Variants in DTWD2 observed in about 807,000 individuals in gnomAD.
DTWD2 encodes tRNA-uridine aminocarboxypropyltransferase 2.
DTWD2 carries 39 observed loss-of-function variants against 31.8 expected under a neutral mutation model. That is an observed-to-expected ratio of 1.22 (90% CI 0.95 to 1.60). The LOEUF is 1.60. Ranked by LOEUF, DTWD2 falls within the 40% of genes most tolerant of loss-of-function variation. The probability of loss-of-function intolerance (pLI) is 0.00; values close to 1 mark genes in which losing one functional copy is unlikely to be tolerated. For missense variants in DTWD2, 515 were observed against 381.5 expected (o/e 1.35, Z -2.92); for synonymous variants, 180 against 142.8 (o/e 1.26, Z -1.86).
rs948989665 is a variant in DTWD2 at position 118,846,626 on chromosome 5, G to C, written c.726+1464C>G. ...AAAGCAAGTTTAAACAACAGCACTG[G>C]GTTACATAATTCTATTAAGACACCT... On this transcript the variant is annotated intron_variant, in intron 5 of 5. Coordinates refer to ENST00000510708, the MANE Select transcript of DTWD2 (RefSeq NM_173666.4). Among the ~76,000 whole-genome samples the C allele has an allele frequency of 7.2e-5, 11 of 151,998 alleles. No individual in the cohort carries two copies. In the East Asian group the frequency reaches 2.1e-3, roughly 29 times the overall value.
chr5:118,950,722 A>C (rs1305524686), intron 1 of DTWD2, among the ~76,000 whole-genome samples: 1 of 152,216 alleles, frequency 6.6e-6, no homozygotes, highest in Non-Finnish European at 1.5e-5. Context: ...ACTGTGGCTT[A>C]GGCGTTTTGA....
intron 1 of DTWD2, among the ~76,000 whole-genome samples, chr5:118,979,058 A>T (rs955351667): frequency 2.0e-4 from 30 of 152,108 alleles, no homozygotes; most frequent in African/African-American, 7.0e-4. Flanking sequence ...TAATCCCAGC[A>T]CTTTGGGAGG....
At chr5:118,966,769 C>T (rs1410362069) in intron 1 of DTWD2, among the ~76,000 whole-genome samples, 1 of 152,118 alleles carries the variant, frequency 6.6e-6, no homozygotes. Context: ...GTGGCTCACA[C>T]CTGTAATCCC....
intron 5 of DTWD2, among the ~76,000 whole-genome samples, chr5:118,845,836 T>C (rs1028258668): frequency 5.9e-5 from 9 of 152,212 alleles, no homozygotes; most frequent in Non-Finnish European, 1.2e-4. Context: ...GTTGTCACAA[T>C]AAGGATTCCT....
intron 4 of DTWD2, among the ~76,000 whole-genome samples, chr5:118,925,379 A>G (rs535657345): frequency 1.7e-4 from 26 of 152,354 alleles, no homozygotes; most frequent in African/African-American, 6.3e-4. Flanking sequence ...TAGAACATGA[A>G]CAAAAATCTA....
intron 1 of DTWD2, among the ~76,000 whole-genome samples, chr5:118,953,998 T>C (rs1292688073): frequency 6.6e-6 from 1 of 152,186 alleles, no homozygotes; most frequent in Non-Finnish European, 1.5e-5. Context: ...AGGCAAGGCA[T>C]GGTGGCTCAT....
intron 1 of DTWD2, among the ~76,000 whole-genome samples, chr5:118,950,561 G>C (rs1754442025): frequency 6.6e-6 from 1 of 152,192 alleles, no homozygotes; most frequent in Non-Finnish European, 1.5e-5. Flanking sequence ...TGCCGGGCAA[G>C]TTGGACAGTT....
At chr5:118,979,403 T>C (rs1755242786) in intron 1 of DTWD2, among the ~76,000 whole-genome samples, 2 of 152,208 alleles carry the variant, frequency 1.3e-5, no homozygotes, top group East Asian at 1.9e-4. Context: ...TTTATACTAT[T>C]GGTGGAAGTG....
At chr5:118,897,331 A>T (rs1290587400) in intron 4 of DTWD2, among the ~76,000 whole-genome samples, 3 of 152,198 alleles carry the variant, frequency 2.0e-5, no homozygotes, top group Non-Finnish European at 4.4e-5. Context: ...ACAGAAGCTC[A>T]TTAGAGACAG....
chr5:118,844,352 A>G (rs377545763), intron 5 of DTWD2, among the ~76,000 whole-genome samples: 2 of 152,194 alleles, frequency 1.3e-5, no homozygotes, highest in Admixed American at 6.5e-5. Flanking sequence ...GTTCTGTAAT[A>G]AAAAAGAACC....
At chr5:118,892,454 G>C (rs1752995195) in intron 4 of DTWD2, among the ~76,000 whole-genome samples, 1 of 151,910 alleles carries the variant, frequency 6.6e-6, no homozygotes, top group South Asian at 2.1e-4. Flanking sequence ...ACCATAATGA[G>C]GTATGACAGA....
chr5:118,851,424 C>A (rs1484161564), intron 4 of DTWD2, among the ~76,000 whole-genome samples: 1 of 151,830 alleles, frequency 6.6e-6, no homozygotes, highest in African/African-American at 2.4e-5. Context: ...GTCACAAAAC[C>A]AGCAAGTTTT....
intron 4 of DTWD2, among the ~76,000 whole-genome samples, chr5:118,880,043 G>A (rs187309297): frequency 6.0e-4 from 91 of 152,288 alleles, no homozygotes; most frequent in Non-Finnish European, 7.5e-4. Flanking sequence ...TATATCTTAT[G>A]CACCGACACA....
chr5:118,983,344 G>A (rs566493980), intron 1 of DTWD2, among the ~76,000 whole-genome samples: 3 of 152,192 alleles, frequency 2.0e-5, no homozygotes, highest in Non-Finnish European at 4.4e-5. Flanking sequence ...ACAAAAGCCA[G>A]AAATCTGGAT....
chr5:118,842,402 A>G (rs1365708369), intron 5 of DTWD2, among the ~76,000 whole-genome samples: 1 of 152,176 alleles, frequency 6.6e-6, no homozygotes, highest in Non-Finnish European at 1.5e-5. Context: ...TTTCCTGCCT[A>G]GAAAATAACT....
chr5:118,902,182 TA>T (rs1753227287), intron 4 of DTWD2, among the ~76,000 whole-genome samples: 1 of 152,084 alleles, frequency 6.6e-6, no homozygotes, highest in African/African-American at 2.4e-5. Flanking sequence ...AAGTACTGAA[TA>T]GTGGAAAGCT....
rs114295557 is a variant in DTWD2, at chr5:118,985,036, G to A, written c.218+3258C>T. On this transcript the variant is annotated intron_variant, in intron 1 of 5. Coordinates refer to ENST00000510708, the MANE Select transcript of DTWD2 (RefSeq NM_173666.4). ...AAATATTACAGTGGCTGGCTTGTTG[G>A]GTTATAGAGCATTAGGCCCAAACTC... is the stretch of plus-strand genomic sequence containing the variant. 6.3e-3 allele frequency among the ~76,000 whole-genome samples: 955 copies of A among 152,120 alleles called. 11 individuals carry two copies. Among genetic ancestry groups the A allele is most frequent in the African/African-American group, 0.022 (900 of 41,492 alleles).
rs1048285045 is a variant in DTWD2 at position 118,839,783 on chromosome 5, C to T, written c.*1134G>A. 6.6e-6 allele frequency: 1 copy of T among 152,182 alleles called. No individual in the cohort carries two copies. Among genetic ancestry groups the T allele is most frequent in the Non-Finnish European group, 1.5e-5 (1 of 68,038 alleles). The allele number at this position is 152,182 out of a possible 1,614,324, so 9.4% of individuals were successfully genotyped here. A position where few individuals can be genotyped will look rare whatever the true frequency, so the allele number is the denominator to read the frequency against. On this transcript the variant is annotated 3_prime_UTR_variant, in exon 6 of 6. Coordinates refer to ENST00000510708, the MANE Select transcript of DTWD2 (RefSeq NM_173666.4). Reference sequence around the variant, plus strand: ...CATTCTAATTGTGACCAGCATTATACCTTTTAATGAGTCTAATCCAAGTAA... The same window carrying T: ...CATTCTAATTGTGACCAGCATTATATCTTTTAATGAGTCTAATCCAAGTAA...
intron 1 of DTWD2, among the ~76,000 whole-genome samples, chr5:118,971,212 C>G (rs1253129603): frequency 6.6e-6 from 1 of 152,120 alleles, no homozygotes; most frequent in African/African-American, 2.4e-5. Flanking sequence ...GAGTCAAGAT[C>G]CATCTGTATG....
Sources: gnomAD v4.1 joint callset for allele counts (sites outside exome capture counted in the v4.1 genomes callset) on GRCh38, gnomAD v4.1.1 for gene constraint, MANE v1.5 for transcripts, NCBI Gene and HGNC (gene_info 2026-07-23, HGNC 2026-07-21) for gene names.